Variants in DOCK3 observed in about 807,000 individuals in gnomAD.
DOCK3 encodes dedicator of cytokinesis protein 3.
In DOCK3, 60 loss-of-function variants were observed where a neutral mutation model predicts 265.6. The ratio of observed to expected loss-of-function variants is 0.23; its 90% CI spans 0.18 to 0.28. DOCK3 has a LOEUF of 0.28. Among genes scored for constraint, DOCK3 ranks in the 10% least tolerant of loss-of-function variants. The probability of loss-of-function intolerance (pLI) is 1.00; values close to 1 mark genes in which losing one functional copy is unlikely to be tolerated. For synonymous variants in DOCK3, 881 were observed against 938.0 expected (o/e 0.94, Z 1.11); for missense variants, 1,981 against 2,594.3 (o/e 0.76, Z 5.14).
chr3:51,089,129 T>G, intron 7 of DOCK3, 114 bp from the exon 8 acceptor site: 1 of 1,076,710 alleles, frequency 9.3e-7, no homozygotes. Flanking sequence ...TTATCAGAAT[T>G]AAATGAGATC....
At chr3:51,230,598 C>T (rs1453480221) in intron 19 of DOCK3, among the ~76,000 whole-genome samples, 2 of 152,118 alleles carry the variant, frequency 1.3e-5, no homozygotes, top group Admixed American at 6.6e-5. Flanking sequence ...CTCACTGCAA[C>T]CTCTGCCTGC....
intron 13 of DOCK3, among the ~76,000 whole-genome samples, chr3:51,212,032 C>A (rs2089534726): frequency 6.6e-6 from 1 of 152,106 alleles, no homozygotes; most frequent in Admixed American, 6.6e-5. Flanking sequence ...CAGAATCATG[C>A]CTTAGCATTA....
chr3:51,369,706 A>G (rs1391986321), intron 49 of DOCK3, among the ~76,000 whole-genome samples: 1 of 152,202 alleles, frequency 6.6e-6, no homozygotes, highest in African/African-American at 2.4e-5. Flanking sequence ...AGTAGGAGTG[A>G]CTGCTGTATG....
At chr3:51,318,478 C>A (rs184146974) in intron 32 of DOCK3, among the ~76,000 whole-genome samples, 1 of 152,052 alleles carries the variant, frequency 6.6e-6, no homozygotes, top group East Asian at 1.9e-4. Context: ...TTATTTCTTT[C>A]ATCAGTGTTT....
At chr3:51,376,771 A>G (rs968042360) in intron 51 of DOCK3, among the ~76,000 whole-genome samples, 2 of 151,988 alleles carry the variant, frequency 1.3e-5, no homozygotes, top group African/African-American at 4.8e-5. Context: ...TGCTGTCCCC[A>G]CTGTTATGCT....
intron 9 of DOCK3, among the ~76,000 whole-genome samples, chr3:51,116,294 A>G (rs1397795230): frequency 6.6e-6 from 1 of 151,900 alleles, no homozygotes; most frequent in Non-Finnish European, 1.5e-5. Context: ...TACTAAAAAT[A>G]CAAAAAATTA....
intron 5 of DOCK3, among the ~76,000 whole-genome samples, chr3:51,045,217 TAG>T (rs1467825049): frequency 6.6e-6 from 1 of 152,168 alleles, no homozygotes; most frequent in African/African-American, 2.4e-5. Context: ...AGGCCCATTG[TAG>T]AGTTATTACT....
At chr3:51,331,693 C>A (rs141368359) in intron 33 of DOCK3, among the ~76,000 whole-genome samples, 1 of 152,120 alleles carries the variant, frequency 6.6e-6, no homozygotes, top group East Asian at 1.9e-4. Context: ...TGCAGTGGTA[C>A]GCACCTGTAA....
At chr3:51,053,076 A>ATATATAT (rs1559993850) in intron 5 of DOCK3, among the ~76,000 whole-genome samples, 13 of 34,538 alleles carry the variant, frequency 3.8e-4, no homozygotes, top group Non-Finnish European at 7.2e-4. Flanking sequence ...AAAAAAGTCA[A>ATATATAT]AGATATATAT....
chr3:50,801,566 C>G (rs901741037), intron 2 of DOCK3, among the ~76,000 whole-genome samples: 1 of 152,204 alleles, frequency 6.6e-6, no homozygotes, highest in African/African-American at 2.4e-5. Context: ...AAATTTAGAA[C>G]TCATATCTAA....
In DOCK3 at chr3:50,975,489, G is replaced by A. The variant is rs1459566468; in HGVS notation, c.315+41412G>A. Among the ~76,000 whole-genome samples the A allele has an allele frequency of 1.5e-3, 231 of 151,138 alleles. 2 individuals carry two copies. The highest frequency in any genetic ancestry group is 8.0e-3 in the East Asian group (41 of 5,142). ...ACCAGCCTTGCATCCCAGGGATGAA[G>A]CCCACTTGATCATGGTGGATAAGCT... is the stretch of plus-strand genomic sequence containing the variant. On this transcript the variant is annotated intron_variant, in intron 5 of 52. Transcript: ENST00000266037.
intron 5 of DOCK3, among the ~76,000 whole-genome samples, chr3:51,051,188 AT>A (rs1476849308): frequency 2.0e-5 from 3 of 152,340 alleles, no homozygotes; most frequent in East Asian, 3.9e-4. Flanking sequence ...AAACCAAACA[AT>A]TTTTAAAGGG....
At chr3:51,364,384 A>G (rs1476067216) in intron 49 of DOCK3, among the ~76,000 whole-genome samples, 1 of 152,204 alleles carries the variant, frequency 6.6e-6, no homozygotes, top group Non-Finnish European at 1.5e-5. Context: ...GATTCTGGAT[A>G]CTAGCCTTTT....
chr3:51,105,802 G>C (rs1387968295), intron 9 of DOCK3, among the ~76,000 whole-genome samples: 1 of 152,170 alleles, frequency 6.6e-6, no homozygotes, highest in Non-Finnish European at 1.5e-5. Context: ...AGACATAGAG[G>C]CTGGATTGAA....
chr3:50,973,031 G>A (rs1465291403), intron 5 of DOCK3, among the ~76,000 whole-genome samples: 1 of 89,690 alleles, frequency 1.1e-5, no homozygotes, highest in African/African-American at 3.7e-5. Context: ...CTTACAATCC[G>A]TGGCATTCAG....
chr3:50,831,448 A>G (rs1488555066), intron 2 of DOCK3, among the ~76,000 whole-genome samples: 2 of 151,772 alleles, frequency 1.3e-5, no homozygotes, highest in East Asian at 3.9e-4. Context: ...CTCATTGTTC[A>G]TCTGCCACTT....
chr3:50,933,012 A>G (rs2051153227), intron 4 of DOCK3, among the ~76,000 whole-genome samples: 1 of 152,224 alleles, frequency 6.6e-6, no homozygotes, highest in Non-Finnish European at 1.5e-5. Flanking sequence ...GTCACATCTT[A>G]CATGGCAGCA....
chr3:50,849,113 C>T (rs901763736), intron 3 of DOCK3, among the ~76,000 whole-genome samples: 15 of 151,782 alleles, frequency 9.9e-5, no homozygotes, highest in Non-Finnish European at 2.9e-5. Context: ...TGGTTTACTG[C>T]AGCTTTGACC....
At chr3:51,215,456 A>G (rs2089728762) in intron 14 of DOCK3, among the ~76,000 whole-genome samples, 1 of 152,164 alleles carries the variant, frequency 6.6e-6, no homozygotes, top group Admixed American at 6.5e-5. Context: ...TGCTTTGCTA[A>G]AAGCTTATTT....
Sources: allele counts gnomAD v4.1 joint callset (sites outside exome capture counted in the v4.1 genomes callset), GRCh38; gene constraint gnomAD v4.1.1; transcripts MANE v1.5; gene names NCBI Gene and HGNC (gene_info 2026-07-23, HGNC 2026-07-21).